Variants in KTN1 observed in about 807,000 individuals in gnomAD.
KTN1 encodes kinectin 1, also known as kinectin.
A neutral mutation model predicts 222.5 loss-of-function variants in KTN1; 130 were observed. That is an observed-to-expected ratio of 0.58 (90% confidence interval 0.51 to 0.68). KTN1 has a LOEUF of 0.68. KTN1 is among the 30% of genes least tolerant of loss of function. The pLI is 0.00. For synonymous variants in KTN1, 512 were observed against 496.3 expected, an observed-to-expected ratio of 1.03 and a Z score of -0.42; for missense variants, 1,508 against 1,500.4, an observed-to-expected ratio of 1.01 and a Z score of -0.08.
chr14:55,580,767 G>T (rs961620708), intron 1 of KTN1, among the ~76,000 whole-genome samples: 8 of 152,178 alleles, frequency 5.3e-5, no homozygotes, highest in Non-Finnish European at 2.9e-5. Flanking sequence ...AGGGAAGGCG[G>T]ATTACCGCCT....
intron 12 of KTN1, 83 bp downstream of exon 12, chr14:55,637,930 C>A: frequency 1.0e-6 from 1 of 985,776 alleles, no homozygotes; most frequent in Non-Finnish European, 1.6e-6. Flanking sequence ...GTGCCAATTA[C>A]TGGATTAATA....
chr14:55,633,155 T>C lies in KTN1; in HGVS notation c.1222-80T>C. On this transcript the variant is annotated intron_variant, in intron 7 of 43. Transcript: ENST00000395314. The stretch of plus-strand genomic sequence containing the variant: ...CATTCTATTGATGTTTTTTATATTC[T>C]CATTTTAATAAAGTTTATTTTAAAA... 4.9e-6 allele frequency: 3 copies of C among 616,982 alleles called. No individual in the cohort carries two copies. The South Asian group carries it at 9.7e-5, about 20-fold the overall frequency. The allele number at this position is 616,982 out of a possible 1,614,324, so 38.2% of individuals were successfully genotyped here.
chr14:55,616,424 G>T, intron 2 of KTN1, 93 bp from the exon 3 acceptor site: 1 of 1,178,326 alleles, frequency 8.5e-7, no homozygotes. Flanking sequence ...AATTTTTAGT[G>T]GTAAAACATT....
At chr14:55,596,037 C>A (rs2140412138) in intron 1 of KTN1, among the ~76,000 whole-genome samples, 2 of 151,248 alleles carry the variant, frequency 1.3e-5, no homozygotes, top group East Asian at 3.9e-4. Flanking sequence ...CGCCTGTAGT[C>A]CCAGCTACTC....
intron 5 of KTN1, among the ~76,000 whole-genome samples, chr14:55,623,364 T>C (rs190186877): frequency 1.2e-4 from 19 of 152,340 alleles, no homozygotes; most frequent in African/African-American, 4.6e-4. Flanking sequence ...CAAGGAACTT[T>C]CTTGATTATT....
intron 32 of KTN1, chr14:55,662,810 A>G (rs1229163569): frequency 2.0e-5 from 9 of 454,150 alleles, no homozygotes; most frequent in Admixed American, 4.7e-5. Flanking sequence ...GTATAACAGT[A>G]CTAACAGCAT....
At chr14:55,601,029 A>G (rs909743808) in intron 1 of KTN1, among the ~76,000 whole-genome samples, 4 of 152,198 alleles carry the variant, frequency 2.6e-5, no homozygotes, top group African/African-American at 9.7e-5. Flanking sequence ...GACCTCTGCA[A>G]TTCCTTTTCA....
rs1254018293 is a variant in KTN1 at position 55,684,194 on chromosome 14, A to G, written c.*91A>G. 4.1e-6 allele frequency: 4 copies of G among 977,324 alleles called. No individual in the cohort carries two copies. The highest frequency in any genetic ancestry group is 1.6e-5 in the African/African-American group (1 of 60,652). The allele number at this position is 977,324 out of a possible 1,614,324, so 60.5% of individuals were successfully genotyped here. A position where few individuals can be genotyped will look rare whatever the true frequency, so the allele number is the denominator to read the frequency against. On this transcript the variant is annotated 3_prime_UTR_variant, in exon 44 of 44. Transcript: ENST00000395314. The stretch of plus-strand genomic sequence containing the variant: ...CCTTATTTATGTTTTCACCCTTTCT[A>G]CTTTGTCAGAAACACTGAACAGAGT...
At position 55,646,543 on chromosome 14, in the gene KTN1, TC is replaced by T. The variant is rs1167715085; in HGVS notation, c.2173-428del. On this transcript the variant is annotated intron_variant, in intron 18 of 43. Coordinates refer to ENST00000395314, the MANE Select transcript of KTN1 (RefSeq NM_001079521.2). ...TCCTTTCCTTTCCTTTCCTTTCCTT[TC>T]CTTCTCTCTTTCTCTCTCTTTCTCT... Among the ~76,000 whole-genome samples, 81 of 145,642 alleles carry T rather than the reference TC, an allele frequency of 5.6e-4. 1 individual carries two copies. The highest frequency in any genetic ancestry group is 2.0e-3 in the African/African-American group (77 of 38,512).
intron 1 of KTN1, among the ~76,000 whole-genome samples, chr14:55,605,553 T>C (rs2036605359): frequency 6.6e-6 from 1 of 152,160 alleles, no homozygotes; most frequent in African/African-American, 2.4e-5. Context: ...ATTTTTTGGC[T>C]GACATATCCA....
At position 55,667,375 on chromosome 14, in the gene KTN1, G is replaced by T. The variant is rs561723045; in HGVS notation, c.3267+45G>T. Reference sequence around the variant, plus strand: ...TTTTTAACATGATGACATTATTCAAGAAAGGTGTGAATAAGCAACATCATT... The same window carrying T: ...TTTTTAACATGATGACATTATTCAATAAAGGTGTGAATAAGCAACATCATT... On this transcript the variant is annotated intron_variant, in intron 34 of 43. Transcript: ENST00000395314. The T allele has an allele frequency of 8.1e-5, 93 of 1,151,162 alleles. No homozygotes were observed. In the South Asian group the frequency reaches 1.1e-3, roughly 14 times the overall value. The allele number at this position is 1,151,162 out of a possible 1,614,324, so 71.3% of individuals were successfully genotyped here.
intron 24 of KTN1, 156 bp from the exon 25 acceptor site, chr14:55,651,734 T>G (rs2042946840): frequency 1.8e-6 from 1 of 567,702 alleles, no homozygotes; most frequent in Non-Finnish European, 3.2e-6. Context: ...GTTATTGGAG[T>G]CAAGAGGAGG....
At position 55,658,587 on chromosome 14, in the gene KTN1, G is replaced by A. The variant is rs1410810040; in HGVS notation, c.2934G>A (p.Glu978=). The change falls in exon 30 of 44, where the codon GAG becomes GAA. Residue 978 remains glutamate, a synonymous_variant. Coordinates refer to ENST00000395314, the MANE Select transcript of KTN1 (RefSeq NM_001079521.2). ...DENKLFKSQI[E]QLKQQNYQQA... Reference sequence around the variant, plus strand: ...ACAAATTGTTTAAGTCCCAAATTGAGCAGCTTAAACAACAAAACTACCAAC... The same window carrying A: ...ACAAATTGTTTAAGTCCCAAATTGAACAGCTTAAACAACAAAACTACCAAC... 1 of 1,607,072 alleles carries A rather than the reference G, an allele frequency of 6.2e-7. No individual in the cohort carries two copies. The highest frequency in any genetic ancestry group is 1.3e-5 in the African/African-American group (1 of 74,754).
intron 13 of KTN1, 84 bp from the exon 14 acceptor site, chr14:55,639,829 G>T (rs2041577128): frequency 7.1e-6 from 6 of 846,796 alleles, no homozygotes; most frequent in Non-Finnish European, 1.2e-5. Context: ...CTGAAGTAAG[G>T]ATGATGCTTT....
At chr14:55,656,019 C>G (rs1484402503) in intron 28 of KTN1, 23 bp from the exon 29 acceptor site, 7 of 1,433,032 alleles carry the variant, frequency 4.9e-6, no homozygotes, top group Non-Finnish European at 6.8e-6. Context: ...TTAGTTAATG[C>G]AGATCTTTGT....
In KTN1 at chr14:55,671,945, A is replaced by G. The variant is rs2045490614; in HGVS notation, c.3531+68A>G. The stretch of plus-strand genomic sequence containing the variant: ...TGGGGCTTGAACCAGCAGCATCAGC[A>G]TCACCATGCACATTCTTGGGCCCCA... On this transcript the variant is annotated intron_variant, in intron 37 of 43. Coordinates refer to ENST00000395314, the MANE Select transcript of KTN1 (RefSeq NM_001079521.2). The G allele has an allele frequency of 1.1e-5, 10 of 903,776 alleles. No homozygotes were observed. In the East Asian group the frequency reaches 2.4e-4, roughly 22 times the overall value. 56.0% of individuals were successfully genotyped at this position (903,776 alleles called of 1,614,324 possible).
intron 43 of KTN1, chr14:55,682,937 GTA>G (rs2046497888): frequency 1.3e-5 from 2 of 152,182 alleles, no homozygotes; most frequent in African/African-American, 4.8e-5. Flanking sequence ...TGGTTTGTCA[GTA>G]GCGTATTGGA....
At chr14:55,674,329 G>A (rs1413201301) in intron 40 of KTN1, 1 of 152,120 alleles carries the variant, frequency 6.6e-6, no homozygotes, top group Admixed American at 6.6e-5. Context: ...TCCGAAATCT[G>A]AAATGCTCCA....
chr14:55,668,322 C>T (rs569117171), intron 34 of KTN1: 2 of 151,948 alleles, frequency 1.3e-5, no homozygotes, highest in East Asian at 1.9e-4. Flanking sequence ...TTTTAATCCT[C>T]GGGTTCCCCG....
Sources: gnomAD v4.1 joint callset for allele counts (sites outside exome capture counted in the v4.1 genomes callset) on GRCh38, gnomAD v4.1.1 for gene constraint, MANE v1.5 for transcripts, NCBI Gene and HGNC (gene_info 2026-07-23, HGNC 2026-07-21) for gene names.